Variants in SLC44A5 observed in about 807,000 individuals in gnomAD.
The protein encoded by SLC44A5 is solute carrier family 44 member 5, also known as choline transporter-like protein 5.
SLC44A5 carries 57 observed loss-of-function variants against 101.8 expected under a neutral mutation model. The observed-to-expected ratio is 0.56, with a 90% CI of 0.45 to 0.70. The LOEUF (loss-of-function observed/expected upper bound fraction) is 0.70, where lower values mean the gene tolerates loss of function less well. SLC44A5 is among the 30% of genes least tolerant of loss of function. SLC44A5 has a pLI of 0.00. For missense variants in SLC44A5, 737 were observed against 853.1 expected, an observed-to-expected ratio of 0.86 and a Z score of 1.70; for synonymous variants, 281 against 290.9, an observed-to-expected ratio of 0.97 and a Z score of 0.35.
At position 75,222,190 on chromosome 1, in the gene SLC44A5, A is replaced by C. The variant is rs559083588; in HGVS notation, c.1085+171T>G. On this transcript the variant is annotated intron_variant, in intron 14 of 23. Coordinates refer to ENST00000370859, the MANE Select transcript of SLC44A5 (RefSeq NM_001130058.2). ...AGGCTGGTCTCGAACTCCCGACCTC[A>C]GGTGACCAGCCTGCCTCGGCCTCCC... 3.3e-5 allele frequency among the ~76,000 whole-genome samples: 5 copies of C among 152,180 alleles called. No individual in the cohort carries two copies. In the South Asian group the frequency reaches 6.2e-4, roughly 19 times the overall value.
chr1:75,213,993 A>G lies in SLC44A5; in HGVS notation c.1803-4T>C. 1 of 1,550,456 alleles carries G rather than the reference A, an allele frequency of 6.4e-7. No homozygotes were observed. Reference sequence around the variant, plus strand: ...AACTTCATCTGTAACTGCAACTCTGAGTATCAGAAAAAAAGAAAGTATAAT... The same window carrying G: ...AACTTCATCTGTAACTGCAACTCTGGGTATCAGAAAAAAAGAAAGTATAAT... On this transcript the variant is annotated splice_region_variant and splice_polypyrimidine_tract_variant and intron_variant, in intron 20 of 23. Transcript: ENST00000370859.
the SLC44A5 span, among the ~76,000 whole-genome samples, chr1:75,627,445 A>C: frequency 2.0e-5 from 3 of 152,112 alleles, no homozygotes; most frequent in Admixed American, 2.0e-4. Flanking sequence ...TAGGAGGCCA[A>C]GGTGGGAGGA....
chr1:75,242,127 A>C, intron 8 of SLC44A5, 66 bp from the exon 9 acceptor site: 1 of 1,265,076 alleles, frequency 7.9e-7, no homozygotes, highest in Non-Finnish European at 1.1e-6. Context: ...ACTGAATCTA[A>C]ATATGTCCTT....
chr1:75,308,484 C>T (rs945762648), intron 4 of SLC44A5, among the ~76,000 whole-genome samples: 1 of 151,768 alleles, frequency 6.6e-6, no homozygotes, highest in African/African-American at 2.4e-5. Context: ...ATTGGTTTTA[C>T]GATGTAATTA....
chr1:75,354,078 G>A, intron 3 of SLC44A5: 1 of 277,918 alleles, frequency 3.6e-6, no homozygotes, highest in Non-Finnish European at 7.0e-6. Context: ...TAAGTTAGCA[G>A]AGGGATTTTA....
intron 2 of SLC44A5, among the ~76,000 whole-genome samples, chr1:75,469,052 G>A (rs1160322700): frequency 6.6e-5 from 10 of 152,056 alleles, no homozygotes; most frequent in African/African-American, 2.4e-4. Flanking sequence ...CATTAAAAAG[G>A]TAAAAAGAAA....
chr1:75,367,283 A>C (rs1372490366), intron 3 of SLC44A5, among the ~76,000 whole-genome samples: 2 of 152,194 alleles, frequency 1.3e-5, no homozygotes, highest in African/African-American at 4.8e-5. Flanking sequence ...CTGGGTCCAC[A>C]GTGGGATCTG....
intron 2 of SLC44A5, among the ~76,000 whole-genome samples, chr1:75,458,211 G>A (rs1307792781): frequency 6.6e-6 from 1 of 152,200 alleles, no homozygotes; most frequent in Non-Finnish European, 1.5e-5. Flanking sequence ...ATTTTTACAA[G>A]TGCAGGCTTG....
chr1:75,484,949 G>C (rs751261020), intron 2 of SLC44A5, among the ~76,000 whole-genome samples: 4 of 152,218 alleles, frequency 2.6e-5, no homozygotes, highest in Non-Finnish European at 5.9e-5. Context: ...ATGTCCAGAG[G>C]TTTCACAGAG....
At chr1:75,535,984 G>A (rs948501401) in intron 2 of SLC44A5, among the ~76,000 whole-genome samples, 1 of 151,308 alleles carries the variant, frequency 6.6e-6, no homozygotes, top group Non-Finnish European at 1.5e-5. Flanking sequence ...GGAGGCGGGA[G>A]GATTGTTTGA....
intron 12 of SLC44A5, among the ~76,000 whole-genome samples, chr1:75,228,627 CT>C (rs1321321030): frequency 1.3e-5 from 2 of 151,706 alleles, no homozygotes; most frequent in Admixed American, 1.3e-4. Context: ...GTCTATACTT[CT>C]TTTCTTCCAA....
At chr1:75,263,924 G>A in intron 6 of SLC44A5, among the ~76,000 whole-genome samples, 1 of 152,158 alleles carries the variant, frequency 6.6e-6, no homozygotes, top group African/African-American at 2.4e-5. Context: ...AGTGGGAGTT[G>A]AACAATGAGC....
chr1:75,652,420 G>C, the SLC44A5 span, among the ~76,000 whole-genome samples: 53,933 of 151,988 alleles, frequency 0.35, 11,293 homozygotes, highest in East Asian at 0.93. Flanking sequence ...TTCTGAGAAG[G>C]CAAGAATTGA....
chr1:75,321,235 T>C (rs1054312117), intron 4 of SLC44A5, among the ~76,000 whole-genome samples: 2 of 152,182 alleles, frequency 1.3e-5, no homozygotes, highest in African/African-American at 4.8e-5. Context: ...GTATTTATTA[T>C]AGCAGCAATC....
the SLC44A5 span, among the ~76,000 whole-genome samples, chr1:75,647,592 TA>T: frequency 6.6e-6 from 1 of 152,134 alleles, no homozygotes; most frequent in African/African-American, 2.4e-5. Flanking sequence ...AAGGGGGCTG[TA>T]CCATGCAAAG....
rs200215612 is a variant in SLC44A5, at chr1:75,294,459, TC to T, written c.175+6152del. Among the ~76,000 whole-genome samples, 1,107 of 152,290 alleles carry T rather than the reference TC, an allele frequency of 7.3e-3. 8 individuals carry two copies. The highest frequency in any genetic ancestry group is 0.011 in the Non-Finnish European group (762 of 68,010). The stretch of plus-strand genomic sequence containing the variant: ...AATTAAAAATAGAATTATCATATGA[TC>T]CAGCAATCCCACATCTGGGTATTTA... On this transcript the variant is annotated intron_variant, in intron 5 of 23. Transcript: ENST00000370859.
chr1:75,565,094 A>G (rs1672722341), intron 1 of SLC44A5, among the ~76,000 whole-genome samples: 1 of 152,190 alleles, frequency 6.6e-6, no homozygotes, highest in South Asian at 2.1e-4. Flanking sequence ...GTTGACCATT[A>G]CAAACATTTA....
At chr1:75,269,595 T>C (rs951521494) in intron 6 of SLC44A5, among the ~76,000 whole-genome samples, 3 of 152,140 alleles carry the variant, frequency 2.0e-5, no homozygotes, top group African/African-American at 4.8e-5. Context: ...GAGATAAACA[T>C]CCAATTTTAT....
intron 15 of SLC44A5, 60 bp from the exon 16 acceptor site, chr1:75,219,404 A>G (rs1339818530): frequency 5.4e-6 from 6 of 1,104,346 alleles, no homozygotes; most frequent in Non-Finnish European, 7.0e-6. Flanking sequence ...AATGGACAAG[A>G]AAACAATACT....
Sources: gnomAD v4.1 joint callset for allele counts (sites outside exome capture counted in the v4.1 genomes callset) on GRCh38, gnomAD v4.1.1 for gene constraint, MANE v1.5 for transcripts, NCBI Gene and HGNC (gene_info 2026-07-23, HGNC 2026-07-21) for gene names.